Variants in AKAP6 observed in about 807,000 individuals in gnomAD.
AKAP6 encodes the protein A-kinase anchor protein 6.
A neutral mutation model predicts 188.5 loss-of-function variants in AKAP6; 58 were observed. The ratio of observed to expected loss-of-function variants is 0.31; its 90% CI spans 0.25 to 0.38. AKAP6 has a LOEUF of 0.38. AKAP6 is among the 10% of genes least tolerant of loss of function. AKAP6 has a pLI of 1.00. For missense variants in AKAP6, 2,710 were observed against 2,740.0 expected (o/e 0.99, Z 0.24); for synonymous variants, 989 against 998.6 (o/e 0.99, Z 0.18).
chr14:32,795,041 G>T (rs2033723473), intron 12 of AKAP6, among the ~76,000 whole-genome samples: 1 of 152,022 alleles, frequency 6.6e-6, no homozygotes, highest in South Asian at 2.1e-4. Context: ...TAGAAGAAAT[G>T]GATAAATTCC....
intron 9 of AKAP6, among the ~76,000 whole-genome samples, chr14:32,729,776 C>T (rs1030636064): frequency 6.6e-6 from 1 of 152,072 alleles, no homozygotes; most frequent in East Asian, 1.9e-4. Flanking sequence ...TTTACCTTAG[C>T]ACTCAAGAAA....
intron 7 of AKAP6, among the ~76,000 whole-genome samples, chr14:32,645,781 G>A (rs771147644): frequency 2.2e-4 from 33 of 152,166 alleles, no homozygotes; most frequent in Non-Finnish European, 4.6e-4. Context: ...GAGCCTGGCA[G>A]GGAAAAGGAG....
chr14:32,597,128 C>A (rs1277172091), intron 5 of AKAP6, among the ~76,000 whole-genome samples: 1 of 152,192 alleles, frequency 6.6e-6, no homozygotes, highest in Non-Finnish European at 1.5e-5. Flanking sequence ...TCCATGTCAT[C>A]TTGAAGCAGA....
intron 9 of AKAP6, among the ~76,000 whole-genome samples, chr14:32,715,646 A>G (rs2030152116): frequency 6.6e-6 from 1 of 151,982 alleles, no homozygotes; most frequent in Non-Finnish European, 1.5e-5. Flanking sequence ...CAGATCTAGG[A>G]AATAGCTTGG....
At chr14:32,814,636 G>A (rs575858085) in intron 12 of AKAP6, among the ~76,000 whole-genome samples, 267 of 152,308 alleles carry the variant, frequency 1.8e-3, no homozygotes, top group African/African-American at 6.3e-3. Flanking sequence ...TTTACCCTCA[G>A]AACCTTTCTC....
chr14:32,563,042 G>T (rs1297315444), intron 4 of AKAP6, among the ~76,000 whole-genome samples: 2 of 152,092 alleles, frequency 1.3e-5, no homozygotes, highest in African/African-American at 4.8e-5. Flanking sequence ...ACATGGCTGG[G>T]AAGAACTTCC....
intron 1 of AKAP6, among the ~76,000 whole-genome samples, chr14:32,336,470 A>G (rs1452475280): frequency 2.0e-5 from 3 of 152,194 alleles, no homozygotes; most frequent in Non-Finnish European, 4.4e-5. Context: ...GTACAATATC[A>G]TATGCTAAGA....
chr14:32,575,075 C>T (rs1322953001), intron 4 of AKAP6, among the ~76,000 whole-genome samples: 4 of 152,110 alleles, frequency 2.6e-5, no homozygotes, highest in African/African-American at 9.7e-5. Flanking sequence ...TAGGAAATAA[C>T]ATTTTGAACA....
intron 2 of AKAP6, among the ~76,000 whole-genome samples, chr14:32,518,858 C>T (rs910192729): frequency 1.3e-5 from 2 of 152,144 alleles, no homozygotes. Flanking sequence ...CACAAAGATA[C>T]TCCTTGAGAA....
At chr14:32,404,084 CT>C in intron 1 of AKAP6, among the ~76,000 whole-genome samples, 1 of 152,050 alleles carries the variant, frequency 6.6e-6, no homozygotes, top group Non-Finnish European at 1.5e-5. Flanking sequence ...AGTGAATGTA[CT>C]TTTTTATCCC....
chr14:32,443,098 A>G (rs924874423), intron 2 of AKAP6, among the ~76,000 whole-genome samples: 1 of 152,134 alleles, frequency 6.6e-6, no homozygotes, highest in Admixed American at 6.5e-5. Context: ...GGGAAGCTTT[A>G]AAAAACCCAT....
chr14:32,829,665 T>C (rs1427015058), intron 13 of AKAP6, among the ~76,000 whole-genome samples, 183 bp from the exon 14 acceptor site: 1 of 152,190 alleles, frequency 6.6e-6, no homozygotes, highest in African/African-American at 2.4e-5. Flanking sequence ...GCTGAGACTT[T>C]TTTTGTCAGT....
Position 32,730,510 on chromosome 14 carries a change from T to A in AKAP6, c.3001-1944T>A, listed in dbSNP as rs74041671. ...TTTTATGGGACACATCTAAGCTGTT[T>A]CCTTTCTTGACTGATGTGCTGTGTG... On this transcript the variant is annotated intron_variant, in intron 9 of 13. Transcript: ENST00000280979. Among the ~76,000 whole-genome samples the A allele has an allele frequency of 6.2e-3, 937 of 152,228 alleles. 13 individuals are homozygous for A. Among genetic ancestry groups the A allele is most frequent in the African/African-American group, 0.022 (904 of 41,534 alleles).
chr14:32,759,888 CA>C (rs1390401172), intron 11 of AKAP6, among the ~76,000 whole-genome samples: 2 of 152,204 alleles, frequency 1.3e-5, no homozygotes, highest in Non-Finnish European at 2.9e-5. Flanking sequence ...TACACTTCAA[CA>C]TGAGATTTGG....
At chr14:32,749,600 A>G (rs762377044) in intron 11 of AKAP6, among the ~76,000 whole-genome samples, 25 of 152,330 alleles carry the variant, frequency 1.6e-4, no homozygotes, top group Admixed American at 3.9e-4. Flanking sequence ...AGCCATACTG[A>G]TAACGTGAAT....
intron 8 of AKAP6, among the ~76,000 whole-genome samples, chr14:32,680,185 A>G (rs887950028): frequency 6.6e-6 from 1 of 152,170 alleles, no homozygotes; most frequent in African/African-American, 2.4e-5. Context: ...TCCTTTGTTT[A>G]TGCTCCTTGG....
intron 1 of AKAP6, among the ~76,000 whole-genome samples, chr14:32,379,553 G>A (rs1224523519): frequency 6.6e-6 from 1 of 151,770 alleles, no homozygotes; most frequent in African/African-American, 2.4e-5. Flanking sequence ...TCCTCTCCTT[G>A]GGCTTCCTGC....
intron 2 of AKAP6, among the ~76,000 whole-genome samples, chr14:32,506,889 A>G (rs1423014314): frequency 6.6e-6 from 1 of 152,174 alleles, no homozygotes; most frequent in Non-Finnish European, 1.5e-5. Flanking sequence ...CTCTGTGTGC[A>G]TGTATAATTA....
At chr14:32,817,685 A>G (rs2034422245) in intron 12 of AKAP6, among the ~76,000 whole-genome samples, 1 of 152,154 alleles carries the variant, frequency 6.6e-6, no homozygotes. Flanking sequence ...TCTCATTCAA[A>G]TACTCTTAGA....
Sources: gnomAD v4.1 joint callset for allele counts (sites outside exome capture counted in the v4.1 genomes callset) on GRCh38, gnomAD v4.1.1 for gene constraint, MANE v1.5 for transcripts, NCBI Gene and HGNC (gene_info 2026-07-23, HGNC 2026-07-21) for gene names.